The following MYOT variants were observed in gnomAD, a reference collection of about 807,000 sequenced individuals.
MYOT encodes the protein 57 kDa cytoskeletal protein.
Under a neutral mutation model 58.0 loss-of-function variants are expected in MYOT, and 36 were observed. The ratio of observed to expected loss-of-function variants is 0.62; its 90% confidence interval spans 0.48 to 0.82. MYOT has a LOEUF of 0.82. Among genes scored for constraint, MYOT ranks in the 40% least tolerant of loss-of-function variants. MYOT has a pLI of 0.00. For missense variants in MYOT, 505 were observed against 592.1 expected, an observed-to-expected ratio of 0.85 and a Z score of 1.53; for synonymous variants, 218 against 204.6, an observed-to-expected ratio of 1.07 and a Z score of -0.56.
chr5:137,872,073 CA>C (rs1484679971), intron 2 of MYOT, among the ~76,000 whole-genome samples: 1 of 152,018 alleles, frequency 6.6e-6, no homozygotes, highest in African/African-American at 2.4e-5. Context: ...AAAACCTTTT[CA>C]ATATTTTAAA....
At chr5:137,871,232 T>C (rs1454193517) in intron 2 of MYOT, among the ~76,000 whole-genome samples, 1 of 152,180 alleles carries the variant, frequency 6.6e-6, no homozygotes, top group Middle Eastern at 3.2e-3. Flanking sequence ...CTGAATCCAA[T>C]TACCTATTAC....
At chr5:137,876,282 C>T (rs980874032) in intron 3 of MYOT, 3 of 409,904 alleles carry the variant, frequency 7.3e-6, no homozygotes, top group African/African-American at 6.1e-5. Context: ...GTCTGATGCC[C>T]AAATAGCTAT....
At chr5:137,878,226 T>G (rs1755295888) in intron 4 of MYOT, among the ~76,000 whole-genome samples, 2 of 151,520 alleles carry the variant, frequency 1.3e-5, no homozygotes, top group Admixed American at 1.3e-4. Flanking sequence ...TTTTTTTTTT[T>G]TTTTTTTGAG....
intron 1 of MYOT, among the ~76,000 whole-genome samples, chr5:137,869,431 T>C (rs1465047693): frequency 6.6e-6 from 1 of 152,164 alleles, no homozygotes; most frequent in African/African-American, 2.4e-5. Flanking sequence ...TCCTTCAAGG[T>C]TGATTTTCAT....
intron 2 of MYOT, among the ~76,000 whole-genome samples, chr5:137,872,437 AAAGAAAGTGATCAAAGACTT>A (rs1328438836): frequency 1.3e-5 from 2 of 152,236 alleles, no homozygotes; most frequent in African/African-American, 4.8e-5. Context: ...ACTGCCCAGA[AAAGAAAGTGATCAAAGACTT>A]AAGAAAAGAG....
At chr5:137,877,067 A>T (rs1483347203) in intron 3 of MYOT, among the ~76,000 whole-genome samples, 2 of 114,654 alleles carry the variant, frequency 1.7e-5, no homozygotes, top group African/African-American at 3.9e-5. Flanking sequence ...AAAAGACTTT[A>T]AAAAAAAAAA....
chr5:137,880,743 TG>T, intron 4 of MYOT, 72 bp from the exon 5 acceptor site: 1 of 1,231,260 alleles, frequency 8.1e-7, no homozygotes, highest in South Asian at 1.2e-5. Context: ...TCCTTTCAAC[TG>T]TAACTACTTA....
chr5:137,870,833 A>C lies in MYOT; in HGVS notation c.182A>C (p.His61Pro), dbSNP rs372276337. The C allele has an allele frequency of 4.2e-5, 68 of 1,613,996 alleles. No homozygotes were observed. The highest frequency in any genetic ancestry group is 5.8e-5 in the Non-Finnish European group (68 of 1,180,022). ...TCTGCCTCCTCAACACTGAGCTCTC[A>C]CATCACCATGTCCTCCTCTGCTTTC... ...RFSASSTLSS[H>P]ITMSSSAFPA... The change falls in exon 2 of 10, where the codon CAC becomes CCC. Residue 61 changes from histidine (H) to proline (P), a missense_variant. Physicochemically the swap from His to Pro is moderately conservative, Grantham distance 77 (BLOSUM62 -2). Transcript: ENST00000239926.
rs1461754985 is a variant in MYOT at position 137,871,020 on chromosome 5, T to G, written c.356+13T>G. On this transcript the variant is annotated intron_variant, in intron 2 of 9. Coordinates refer to ENST00000239926, the MANE Select transcript of MYOT (RefSeq NM_006790.3). ...CTATGGATTCCAAGTAAGTGAATTT[T>G]TATATACCGCATGTACAGTGAACTT... The G allele has an allele frequency of 3.1e-6, 5 of 1,603,148 alleles. No homozygotes were observed. The South Asian group carries it at 5.5e-5, about 18-fold the overall frequency.
chr5:137,881,848 C>T (rs963386081), intron 5 of MYOT, 125 bp from the exon 6 acceptor site: 1 of 1,012,894 alleles, frequency 9.9e-7, no homozygotes, highest in Non-Finnish European at 1.5e-6. Flanking sequence ...GGCCACTGTA[C>T]TCCAGCCTGG....
rs761463082 is a variant in MYOT, at chr5:137,880,872, A to C, written c.683+7A>C. ...TTCCTACATCACAAGTAAGGTAAAA[A>C]ATTTTAATTTTAAAGAAATGTATGT... On this transcript the variant is annotated splice_region_variant and intron_variant, in intron 5 of 9. Transcript: ENST00000239926. 2 of 1,577,038 alleles carry C rather than the reference A, an allele frequency of 1.3e-6. No homozygotes were observed. The highest frequency in any genetic ancestry group is 2.3e-5 in the East Asian group (1 of 44,408).
At chr5:137,877,448 A>G (rs1748294718) in intron 3 of MYOT, 72 bp from the exon 4 acceptor site, 5 of 885,108 alleles carry the variant, frequency 5.6e-6, no homozygotes, top group African/African-American at 3.3e-5. Flanking sequence ...GACCTATAGT[A>G]GTGGTTTTAA....
rs1755595740 is a variant in MYOT, at chr5:137,886,174, G to C, written c.1151G>C (p.Arg384Thr). 1 of 1,612,098 alleles carries C rather than the reference G, an allele frequency of 6.2e-7. No homozygotes were observed. The highest frequency in any genetic ancestry group is 8.5e-7 in the Non-Finnish European group (1 of 1,178,610). ...CCTCCACCAAAGCTTTTCTGGAAAA[G>C]AAATAATGAAATGGTACAATTCAAC... ...AIPPPKLFWK[R>T]NNEMVQFNTD... The change falls in exon 8 of 10, where the codon AGA (arginine) becomes ACA (threonine). Residue 384 changes from arginine to threonine, a missense_variant. Arg to Thr is a moderately conservative substitution (Grantham distance 71). Transcript: ENST00000239926.
chr5:137,885,794 AAAAAAAAG>A (rs1255806165), intron 7 of MYOT, among the ~76,000 whole-genome samples: 1 of 150,148 alleles, frequency 6.7e-6, no homozygotes, highest in African/African-American at 2.5e-5. Flanking sequence ...AAAAAAAAAA[AAAAAAAAG>A]AATATGACTT....
At chr5:137,873,315 T>C (rs1007435834) in intron 2 of MYOT, among the ~76,000 whole-genome samples, 3 of 150,766 alleles carry the variant, frequency 2.0e-5, no homozygotes. Context: ...TCACCCAAGG[T>C]CAGGAGTTTG....
chr5:137,876,676 C>T (rs1390069085), intron 3 of MYOT, among the ~76,000 whole-genome samples: 1 of 152,090 alleles, frequency 6.6e-6, no homozygotes, highest in Non-Finnish European at 1.5e-5. Context: ...TGGTGGCATG[C>T]ACCTGTAGTT....
intron 4 of MYOT, among the ~76,000 whole-genome samples, chr5:137,879,473 T>C (rs1755343566): frequency 6.6e-6 from 1 of 151,546 alleles, no homozygotes; most frequent in African/African-American, 2.4e-5. Flanking sequence ...TCATCACTAT[T>C]AGGGGAATTA....
At chr5:137,886,668 C>T (rs768891624) in intron 8 of MYOT, 196 bp from the exon 9 acceptor site, 5 of 625,134 alleles carry the variant, frequency 8.0e-6, no homozygotes, top group African/African-American at 1.9e-5. Context: ...CATCAGGGGA[C>T]AGATTGAAGA....
At position 137,887,195 on chromosome 5, in the gene MYOT, T is replaced by C; in HGVS notation, c.1325-18T>C. ...TAGAACAGGTTTTCTGAATCAACTT[T>C]TATGTGATCTATTTCAGCACGTCCA... On this transcript the variant is annotated intron_variant, in intron 9 of 9. Coordinates refer to ENST00000239926, the MANE Select transcript of MYOT (RefSeq NM_006790.3). 1.2e-6 allele frequency: 2 copies of C among 1,614,012 alleles called. No homozygotes were observed. Among genetic ancestry groups the C allele is most frequent in the Non-Finnish European group, 1.7e-6 (2 of 1,179,936 alleles).
Sources: gnomAD v4.1 joint callset for allele counts (sites outside exome capture counted in the v4.1 genomes callset) on GRCh38, gnomAD v4.1.1 for gene constraint, MANE v1.5 for transcripts, NCBI Gene and HGNC (gene_info 2026-07-23, HGNC 2026-07-21) for gene names.